The following XRCC5 variants were observed in gnomAD, a reference collection of about 807,000 sequenced individuals.
XRCC5 encodes DNA repair protein Ku80.
XRCC5 carries 12 observed loss-of-function variants against 95.7 expected under a neutral mutation model. That is an observed-to-expected ratio of 0.13 (90% confidence interval 0.08 to 0.20). The LOEUF is 0.20. Among genes scored for constraint, XRCC5 ranks in the 10% least tolerant of loss-of-function variants. The pLI, the probability that XRCC5 is intolerant of heterozygous loss-of-function variation, is 1.00. For missense variants in XRCC5, 595 were observed against 873.9 expected (o/e 0.68, Z 4.02); for synonymous variants, 281 against 290.3 (o/e 0.97, Z 0.33).
At chr2:216,130,831 T>C in intron 8 of XRCC5, 44 bp from the exon 9 acceptor site, 1 of 1,339,142 alleles carries the variant, frequency 7.5e-7, no homozygotes, top group Non-Finnish European at 1.0e-6. Flanking sequence ...TTGTAGAAAA[T>C]GAGGCCCCAT....
rs1029741862 is a variant in XRCC5 at position 216,161,843 on chromosome 2, A to G, written c.1765-136A>G. The G allele has an allele frequency of 1.7e-5, 12 of 719,894 alleles. No homozygotes were observed. In the African/African-American group the frequency reaches 2.0e-4, roughly 12 times the overall value. 44.6% of individuals were successfully genotyped at this position (719,894 alleles called of 1,614,324 possible). ...CACAGAGCCCTAGAAATGAAAATGA[A>G]TAGAAAAGCCCTTCTCTTTGTCTTT... On this transcript the variant is annotated intron_variant, in intron 15 of 20. Transcript: ENST00000392132.
At chr2:216,130,210 A>G (rs965135167) in intron 8 of XRCC5, among the ~76,000 whole-genome samples, 1 of 151,148 alleles carries the variant, frequency 6.6e-6, no homozygotes, top group Non-Finnish European at 1.5e-5. Context: ...TTTTTCATAG[A>G]ATATAGGCTA....
chr2:216,197,688 C>A (rs41296785), intron 19 of XRCC5, among the ~76,000 whole-genome samples: 4 of 152,060 alleles, frequency 2.6e-5, no homozygotes, highest in Admixed American at 2.6e-4. Context: ...TTAGGAAATT[C>A]AACATAAAAT....
At chr2:216,182,527 G>A (rs759354135) in intron 16 of XRCC5, among the ~76,000 whole-genome samples, 1 of 152,082 alleles carries the variant, frequency 6.6e-6, no homozygotes, top group Non-Finnish European at 1.5e-5. Flanking sequence ...GCAAGTTTTA[G>A]AATTCTAGGA....
rs41296942 is a variant in XRCC5, at chr2:216,114,121, A to G, written c.135+992A>G. On this transcript the variant is annotated intron_variant, in intron 2 of 20. Coordinates refer to ENST00000392132, the MANE Select transcript of XRCC5 (RefSeq NM_021141.4). The stretch of plus-strand genomic sequence containing the variant: ...GTCACATAGGGTAGTTTTGAAGAAT[A>G]AAAGAATTAATGTAGATAAAGTGCT... 1.5e-3 allele frequency among the ~76,000 whole-genome samples: 225 copies of G among 152,346 alleles called. 7 individuals are homozygous for G. The East Asian group carries it at 0.042, about 28-fold the overall frequency.
chr2:216,162,286 T>C (rs1055973190), intron 16 of XRCC5, among the ~76,000 whole-genome samples: 4 of 152,236 alleles, frequency 2.6e-5, no homozygotes, highest in Non-Finnish European at 5.9e-5. Flanking sequence ...CAGAAAAACT[T>C]TGGGCCAACA....
intron 12 of XRCC5, 119 bp downstream of exon 12, chr2:216,138,298 A>G (rs1229709974): frequency 6.2e-6 from 5 of 811,688 alleles, no homozygotes; most frequent in Non-Finnish European, 8.1e-6. Flanking sequence ...TTGGATTTCC[A>G]ATCATACACT....
intron 14 of XRCC5, among the ~76,000 whole-genome samples, chr2:216,152,648 T>C (rs1688766479): frequency 6.6e-6 from 1 of 150,666 alleles, no homozygotes; most frequent in South Asian, 2.1e-4. Flanking sequence ...TTTTTTTTCT[T>C]GTTTTTTTTT....
intron 3 of XRCC5, chr2:216,117,304 C>G (rs1574451098): frequency 5.6e-6 from 1 of 179,638 alleles, no homozygotes; most frequent in East Asian, 1.5e-4. Context: ...TCCACAGGTC[C>G]CCTAATTTTA....
intron 16 of XRCC5, among the ~76,000 whole-genome samples, chr2:216,162,423 T>C (rs1688970335): frequency 6.6e-6 from 1 of 150,650 alleles, no homozygotes; most frequent in Non-Finnish European, 1.5e-5. Context: ...TTTTTTGAGA[T>C]GGAGTTTCTC....
chr2:216,111,468 G>T (rs781458568), intron 1 of XRCC5: 14 of 435,602 alleles, frequency 3.2e-5, no homozygotes, highest in Non-Finnish European at 6.4e-5. Flanking sequence ...AGGCAGTAGT[G>T]AGCCATGATC....
At chr2:216,186,000 A>G (rs1272883335) in intron 16 of XRCC5, among the ~76,000 whole-genome samples, 9 of 152,208 alleles carry the variant, frequency 5.9e-5, no homozygotes, top group Non-Finnish European at 1.3e-4. Context: ...AATAAGTAAC[A>G]TTTACATGAG....
chr2:216,150,205 A>G (rs1688716940), intron 14 of XRCC5, among the ~76,000 whole-genome samples: 1 of 152,184 alleles, frequency 6.6e-6, no homozygotes, highest in African/African-American at 2.4e-5. Flanking sequence ...GAGAGGGGCT[A>G]AGATCAGGAG....
intron 6 of XRCC5, among the ~76,000 whole-genome samples, chr2:216,124,675 T>C (rs1696875601): frequency 6.6e-6 from 1 of 152,212 alleles, no homozygotes; most frequent in Non-Finnish European, 1.5e-5. Context: ...TTGCGACCTG[T>C]CTGTCCATAA....
intron 13 of XRCC5, among the ~76,000 whole-genome samples, chr2:216,144,817 G>A (rs1255006583): frequency 1.3e-5 from 2 of 152,178 alleles, no homozygotes; most frequent in African/African-American, 4.8e-5. Flanking sequence ...TTGTCTGGGA[G>A]AGCACACTGG....
intron 8 of XRCC5, among the ~76,000 whole-genome samples, chr2:216,129,687 A>G (rs1696950919): frequency 6.6e-6 from 1 of 152,144 alleles, no homozygotes; most frequent in Non-Finnish European, 1.5e-5. Flanking sequence ...ATGTGTTTCT[A>G]TTTTGAGACG....
rs1475675685 is a variant in XRCC5, at chr2:216,112,998, T to C, written c.22-18T>C. 5 of 1,597,194 alleles carry C rather than the reference T, an allele frequency of 3.1e-6. No individual in the cohort carries two copies. The African/African-American group carries it at 6.7e-5, about 21-fold the overall frequency. On this transcript the variant is annotated intron_variant, in intron 1 of 20. Transcript: ENST00000392132. The stretch of plus-strand genomic sequence containing the variant: ...TACGACTTATTTTCTCAAACACTCT[T>C]TGGAACTTTGTTTCCAGGCAGCTGT...
Position 216,109,407 on chromosome 2 carries a change from A to G in XRCC5, c.-30A>G. On this transcript the variant is annotated 5_prime_UTR_variant, in exon 1 of 21. Coordinates refer to ENST00000392132, the MANE Select transcript of XRCC5 (RefSeq NM_021141.4). ...GACACGGCAGGTTCCCGCCCGGAAGAAGCGACCAAAGCGCCTGAGGACCGG... is the reference window on the plus strand; with the variant it reads ...GACACGGCAGGTTCCCGCCCGGAAGGAGCGACCAAAGCGCCTGAGGACCGG... 1 of 1,613,826 alleles carries G rather than the reference A, an allele frequency of 6.2e-7. No homozygotes were observed. The highest frequency in any genetic ancestry group is 8.5e-7 in the Non-Finnish European group (1 of 1,179,858).
At chr2:216,127,013 A>C (rs1696910023) in intron 7 of XRCC5, among the ~76,000 whole-genome samples, 1 of 151,908 alleles carries the variant, frequency 6.6e-6, no homozygotes, top group Admixed American at 6.6e-5. Context: ...GCACTTTCAG[A>C]GGCTGAGGTG....
Sources: gnomAD v4.1 joint callset for allele counts (sites outside exome capture counted in the v4.1 genomes callset) on GRCh38, gnomAD v4.1.1 for gene constraint, MANE v1.5 for transcripts, NCBI Gene and HGNC (gene_info 2026-07-23, HGNC 2026-07-21) for gene names.